Variants in PDILT observed in about 807,000 individuals in gnomAD.
The protein encoded by PDILT is protein disulfide isomerase like, testis expressed.
A neutral mutation model predicts 53.7 loss-of-function variants in PDILT; 43 were observed. The ratio of observed to expected loss-of-function variants is 0.80; its 90% CI spans 0.63 to 1.03. PDILT has a LOEUF of 1.03. Ranked by LOEUF, PDILT falls within the 50% of genes least tolerant of loss-of-function variation. The pLI, the probability that PDILT is intolerant of heterozygous loss-of-function variation, is 0.00. For missense variants in PDILT, 727 were observed against 712.3 expected (o/e 1.02, Z -0.24); for synonymous variants, 282 against 274.2 (o/e 1.03, Z -0.28).
At chr16:20,402,999 A>AC (rs1245131579) in intron 1 of PDILT, among the ~76,000 whole-genome samples, 1 of 151,930 alleles carries the variant, frequency 6.6e-6, no homozygotes, top group Admixed American at 6.6e-5. Flanking sequence ...TCAGCTCCCT[A>AC]CCCCCTACTC....
At chr16:20,366,272 C>T (rs1004661796) in intron 8 of PDILT, among the ~76,000 whole-genome samples, 7 of 152,098 alleles carry the variant, frequency 4.6e-5, no homozygotes, top group Non-Finnish European at 1.0e-4. Context: ...CAACCTTCCT[C>T]CCAGCTCAGG....
rs369392697 is a variant in PDILT, at chr16:20,365,497, C to A, written c.1160G>T (p.Gly387Val). 1.9e-6 allele frequency: 3 copies of A among 1,613,920 alleles called. No homozygotes were observed. Among genetic ancestry groups the A allele is most frequent in the Non-Finnish European group, 2.5e-6 (3 of 1,179,892 alleles). The part of the protein sequence containing the change: ...SEEIPKYWDQ[G>V]LVKQLVGKNF... ...CTTCCCCACGAGCTGCTTAACCAGTCCCTGGTCCCAGTATTTTGGAATCTC... is the reference window on the plus strand; with the variant it reads ...CTTCCCCACGAGCTGCTTAACCAGTACCTGGTCCCAGTATTTTGGAATCTC... The change falls in exon 9 of 12, where the codon GGA becomes GTA. Residue 387 changes from glycine (G) to valine (V), a missense_variant. Physicochemically the swap from Gly to Val is moderately radical, Grantham distance 109. Transcript: ENST00000302451.
rs145713876 is a variant in PDILT, at chr16:20,372,767, A to G, written c.918+35T>C. 7.2e-5 allele frequency: 116 copies of G among 1,602,024 alleles called. 1 individual carries two copies. The East Asian group carries it at 2.3e-3, about 32-fold the overall frequency. On this transcript the variant is annotated intron_variant, in intron 7 of 11. Coordinates refer to ENST00000302451, the MANE Select transcript of PDILT (RefSeq NM_174924.2). ...GTCTGCAGGTCTTGGATCCTCATCC[A>G]GGAGTCCCAGAGAGCAATGGTGCAC...
intron 6 of PDILT, 23 bp from the exon 7 acceptor site, chr16:20,372,950 T>G (rs753537195): frequency 6.2e-7 from 1 of 1,613,910 alleles, no homozygotes; most frequent in South Asian, 1.1e-5. Flanking sequence ...GGAAAATATG[T>G]CATCCCAAGC....
intron 4 of PDILT, 88 bp from the exon 5 acceptor site, chr16:20,375,047 C>T (rs1025432580): frequency 3.6e-6 from 5 of 1,401,880 alleles, no homozygotes; most frequent in African/African-American, 1.4e-5. Context: ...GTGGCTGATT[C>T]GTCTCTTCAC....
Position 20,359,477 on chromosome 16 carries a change from G to A in PDILT, c.1597C>T (p.Gln533Ter), listed in dbSNP as rs779517495. The change falls in exon 12 of 12, where the codon CAG becomes TAG. Residue 533 changes from glutamine (Q) to a stop codon, truncating the protein, a stop_gained. Coordinates refer to ENST00000302451, the MANE Select transcript of PDILT (RefSeq NM_174924.2). LOFTEE classifies it low-confidence loss of function (END_TRUNC). The stretch of plus-strand genomic sequence containing the variant: ...ATGTTCTCCAGCTCAGGCGACTGCT[G>A]TTCAGGTAACCCTTTCCTCATCATA... Reference protein sequence around the residue: ...VPMMRKGLPEQQSPELENMTK... With the variant: ...VPMMRKGLPE The A allele has an allele frequency of 9.3e-6, 15 of 1,614,118 alleles. No homozygotes were observed. Among genetic ancestry groups the A allele is most frequent in the Non-Finnish European group, 1.1e-5 (13 of 1,180,018 alleles).
chr16:20,382,543 A>C (rs1224866456), intron 3 of PDILT, among the ~76,000 whole-genome samples: 1 of 152,124 alleles, frequency 6.6e-6, no homozygotes, highest in Non-Finnish European at 1.5e-5. Context: ...ACCACTACTC[A>C]CTGGGCAGCT....
Position 20,399,642 on chromosome 16 carries a change from T to C in PDILT, c.-7-335A>G, listed in dbSNP as rs542775525. ...AAGATAAGGTCCCATTTCAGAGTCCTAGGGTGAGCCTCTGGATCTCAGAGA... is the reference window on the plus strand; with the variant it reads ...AAGATAAGGTCCCATTTCAGAGTCCCAGGGTGAGCCTCTGGATCTCAGAGA... On this transcript the variant is annotated intron_variant, in intron 1 of 11. Coordinates refer to ENST00000302451, the MANE Select transcript of PDILT (RefSeq NM_174924.2). Among the ~76,000 whole-genome samples the C allele has an allele frequency of 1.7e-3, 262 of 152,048 alleles. 2 individuals are homozygous for C. In the South Asian group the frequency reaches 0.022, roughly 13 times the overall value.
intron 4 of PDILT, among the ~76,000 whole-genome samples, 191 bp downstream of exon 4, chr16:20,375,877 T>C (rs1246402137): frequency 1.3e-5 from 2 of 152,214 alleles, no homozygotes; most frequent in African/African-American, 4.8e-5. Flanking sequence ...ACCCATTAAA[T>C]ACAGATGCCA....
At chr16:20,369,353 G>T in intron 8 of PDILT, 139 bp downstream of exon 8, 3 of 946,718 alleles carry the variant, frequency 3.2e-6, no homozygotes, top group Non-Finnish European at 3.3e-6. Context: ...GGAGATGGGG[G>T]ATTTCCCCAC....
At chr16:20,397,383 G>T (rs1196996081) in intron 2 of PDILT, among the ~76,000 whole-genome samples, 1 of 152,100 alleles carries the variant, frequency 6.6e-6, no homozygotes, top group Non-Finnish European at 1.5e-5. Context: ...GCTCAAGAGA[G>T]CTTCCCACCT....
At chr16:20,384,006 AAT>A (rs1209166402) in intron 3 of PDILT, among the ~76,000 whole-genome samples, 1 of 152,252 alleles carries the variant, frequency 6.6e-6, no homozygotes, top group Non-Finnish European at 1.5e-5. Context: ...ATGAATGAAA[AAT>A]ATGATAGAAC....
intron 2 of PDILT, among the ~76,000 whole-genome samples, chr16:20,387,905 G>A (rs1484841178): frequency 1.3e-5 from 2 of 152,116 alleles, no homozygotes; most frequent in African/African-American, 2.4e-5. Context: ...ATATTATATG[G>A]AGATTAGACA....
chr16:20,365,578 A>T (rs1250243941), intron 8 of PDILT, 38 bp from the exon 9 acceptor site: 23 of 1,595,936 alleles, frequency 1.4e-5, no homozygotes, highest in Non-Finnish European at 1.9e-5. Context: ...AGTCTTCATA[A>T]AGGGTCTTGA....
rs149786037 is a variant in PDILT at position 20,372,429 on chromosome 16, G to A, written c.918+373C>T. Among the ~76,000 whole-genome samples, 330 of 152,282 alleles carry A rather than the reference G, an allele frequency of 2.2e-3. 2 individuals carry two copies. Among genetic ancestry groups the A allele is most frequent in the African/African-American group, 7.0e-3 (290 of 41,564 alleles). ...CTTTCATAGTCCTTGACCTCAAACA[G>A]CAGTGGTCTTTCCTGCCCCCACCTC... is the stretch of plus-strand genomic sequence containing the variant. On this transcript the variant is annotated intron_variant, in intron 7 of 11. Coordinates refer to ENST00000302451, the MANE Select transcript of PDILT (RefSeq NM_174924.2).
At chr16:20,367,031 CTTTCTT>C (rs1966211439) in intron 8 of PDILT, among the ~76,000 whole-genome samples, 7 of 10,110 alleles carry the variant, frequency 6.9e-4, no homozygotes, top group South Asian at 3.2e-3. Context: ...TTTCTTCTTT[CTTTCTT>C]TCTTTCTTTC....
intron 3 of PDILT, among the ~76,000 whole-genome samples, chr16:20,377,183 G>A (rs1000681326): frequency 1.3e-5 from 2 of 152,148 alleles, no homozygotes; most frequent in African/African-American, 4.8e-5. Flanking sequence ...GGCTACTTGG[G>A]AGGCTGAGGC....
intron 3 of PDILT, among the ~76,000 whole-genome samples, chr16:20,377,729 C>T (rs185600198): frequency 2.6e-4 from 40 of 152,016 alleles, no homozygotes; most frequent in Non-Finnish European, 4.6e-4. Flanking sequence ...CCGAGGAGGG[C>T]GGATCACAAG....
chr16:20,392,257 C>T (rs1302344147), intron 2 of PDILT, among the ~76,000 whole-genome samples: 1 of 152,134 alleles, frequency 6.6e-6, no homozygotes, highest in Non-Finnish European at 1.5e-5. Context: ...GTGGTACTTT[C>T]AGTGAAGGCA....
Sources: gnomAD v4.1 joint callset for allele counts (sites outside exome capture counted in the v4.1 genomes callset) on GRCh38, gnomAD v4.1.1 for gene constraint, MANE v1.5 for transcripts, NCBI Gene and HGNC (gene_info 2026-07-23, HGNC 2026-07-21) for gene names.